RP1: variants seen among roughly 807,000 people sequenced by gnomAD.
RP1 encodes the protein RP1 axonemal microtubule associated.
In RP1, 16 loss-of-function variants were observed where a neutral mutation model predicts 14.8. The observed-to-expected ratio is 1.08, with a 90% CI of 0.73 to 1.65. RP1 has a LOEUF of 1.65. RP1 is among the 40% of genes most tolerant of loss of function. The pLI is 0.00. For missense variants in RP1, 2,631 were observed against 2,535.0 expected, an observed-to-expected ratio of 1.04 and a Z score of -0.81; for synonymous variants, 876 against 883.6, an observed-to-expected ratio of 0.99 and a Z score of 0.15.
At chr8:54,591,345 G>A (rs370109058) in intron 1 of RP1, among the ~76,000 whole-genome samples, 34 of 152,044 alleles carry the variant, frequency 2.2e-4, no homozygotes, top group Admixed American at 5.2e-4. Flanking sequence ...CCTTCTTTCC[G>A]TCCTTTGAGT....
chr8:54,754,773 C>A, intron 19 of RP1: 1 of 1,476,438 alleles, frequency 6.8e-7, no homozygotes, highest in Non-Finnish European at 9.0e-7. Context: ...GGAGATGACA[C>A]AATTTGGTCA....
intron 14 of RP1, among the ~76,000 whole-genome samples, chr8:54,702,214 C>T (rs1246238164): frequency 6.6e-6 from 1 of 152,010 alleles, no homozygotes; most frequent in Non-Finnish European, 1.5e-5. Flanking sequence ...GTATTTGAAA[C>T]GCGAAGGAAA....
intron 12 of RP1, among the ~76,000 whole-genome samples, chr8:54,690,446 C>T (rs538452968): frequency 6.6e-6 from 1 of 152,150 alleles, no homozygotes; most frequent in Admixed American, 6.6e-5. Flanking sequence ...CCTCTATTTT[C>T]TGAGCAGAGT....
intron 16 of RP1, among the ~76,000 whole-genome samples, chr8:54,723,670 G>C (rs944125355): frequency 1.3e-5 from 2 of 152,118 alleles, no homozygotes; most frequent in Non-Finnish European, 2.9e-5. Flanking sequence ...TGATTTGAAA[G>C]TTTTCTTCAT....
At chr8:54,810,598 T>A (rs1402446161) in intron 24 of RP1, among the ~76,000 whole-genome samples, 1 of 152,198 alleles carries the variant, frequency 6.6e-6, no homozygotes. Flanking sequence ...CCCAAGCAAG[T>A]TCCACCAAGG....
chr8:54,723,867 G>A (rs753875886), intron 16 of RP1, among the ~76,000 whole-genome samples: 1 of 152,138 alleles, frequency 6.6e-6, no homozygotes, highest in African/African-American at 2.4e-5. Flanking sequence ...TATTTTAAGA[G>A]ATACTTGACT....
chr8:54,674,009 T>C, intron 8 of RP1: 2 of 1,098,394 alleles, frequency 1.8e-6, no homozygotes, highest in Non-Finnish European at 2.6e-6. Flanking sequence ...TAGAAAATAC[T>C]GTGGAAAATT....
chr8:54,865,415 G>C (rs1196235119), intron 27 of RP1, among the ~76,000 whole-genome samples: 2 of 133,114 alleles, frequency 1.5e-5, no homozygotes, highest in African/African-American at 2.8e-5. Flanking sequence ...TTCTTTAATT[G>C]TATTGACAAG....
At chr8:54,639,319 T>A (rs544041037) in intron 3 of RP1, among the ~76,000 whole-genome samples, 4 of 152,332 alleles carry the variant, frequency 2.6e-5, no homozygotes, top group African/African-American at 9.6e-5. Flanking sequence ...TTTATACATT[T>A]ACCAGCTAAT....
At chr8:54,775,551 G>A (rs143799747) in intron 23 of RP1, among the ~76,000 whole-genome samples, 96 of 152,262 alleles carry the variant, frequency 6.3e-4, no homozygotes, top group African/African-American at 2.2e-3. Flanking sequence ...GCACCACCTT[G>A]CCAGTCACAT....
intron 24 of RP1, among the ~76,000 whole-genome samples, chr8:54,804,500 T>C (rs1810799796): frequency 6.6e-6 from 1 of 152,094 alleles, no homozygotes; most frequent in Admixed American, 6.6e-5. Flanking sequence ...ATCACACAAC[T>C]GTAATTGAGA....
chr8:54,563,594 G>A (rs1804335051), intron 1 of RP1, among the ~76,000 whole-genome samples: 2 of 152,078 alleles, frequency 1.3e-5, no homozygotes, highest in African/African-American at 4.8e-5. Context: ...CTCCCAGGCT[G>A]GAATGCAGTG....
At chr8:54,745,685 T>C (rs1248533166) in intron 19 of RP1, among the ~76,000 whole-genome samples, 1 of 152,072 alleles carries the variant, frequency 6.6e-6, no homozygotes, top group Non-Finnish European at 1.5e-5. Context: ...TTCCTTTTTT[T>C]TTTTTTCCAA....
chr8:54,619,225 G>A (rs1171659928), intron 1 of RP1, among the ~76,000 whole-genome samples: 2 of 152,132 alleles, frequency 1.3e-5, no homozygotes, highest in Non-Finnish European at 2.9e-5. Flanking sequence ...TTTCTAGGCT[G>A]ATCTTCAAAT....
chr8:54,757,606 ATC>A (rs1336193197), intron 21 of RP1, among the ~76,000 whole-genome samples: 8 of 152,244 alleles, frequency 5.3e-5, no homozygotes, highest in Non-Finnish European at 8.8e-5. Flanking sequence ...TCTGTGAAAC[ATC>A]TCTCAGATTT....
chr8:54,641,102 G>A (rs147233178), intron 3 of RP1, among the ~76,000 whole-genome samples: 4,451 of 151,452 alleles, frequency 0.029, 127 homozygotes, highest in African/African-American at 0.066. Context: ...CCGCCACCAC[G>A]CCTGGCTAAT....
At chr8:54,680,816 G>A (rs746051989) in intron 12 of RP1, among the ~76,000 whole-genome samples, 3 of 151,980 alleles carry the variant, frequency 2.0e-5, no homozygotes, top group Non-Finnish European at 4.4e-5. Context: ...AAATTAGCCG[G>A]GCGTGGTGGT....
chr8:54,851,880 G>A (rs981418084), intron 25 of RP1, among the ~76,000 whole-genome samples: 12 of 152,120 alleles, frequency 7.9e-5, no homozygotes, highest in African/African-American at 2.4e-4. Flanking sequence ...ATTGCACAAA[G>A]TATGATTTAT....
intron 24 of RP1, among the ~76,000 whole-genome samples, chr8:54,825,128 G>C (rs765765175): frequency 9.9e-5 from 15 of 152,038 alleles, no homozygotes; most frequent in African/African-American, 3.4e-4. Context: ...TGCCACCACG[G>C]CCGGCTAATT....
Sources: allele counts gnomAD v4.1 joint callset (sites outside exome capture counted in the v4.1 genomes callset), GRCh38; gene constraint gnomAD v4.1.1; transcripts MANE v1.5; gene names NCBI Gene and HGNC (gene_info 2026-07-23, HGNC 2026-07-21).